BBOF1: variants seen among roughly 807,000 people sequenced by gnomAD.
BBOF1 encodes the protein basal body-orientation factor 1.
A neutral mutation model predicts 68.0 loss-of-function variants in BBOF1; 62 were observed. The ratio of observed to expected loss-of-function variants is 0.91; its 90% CI spans 0.74 to 1.13. BBOF1 has a LOEUF of 1.13. BBOF1 is among the 50% of genes most tolerant of loss of function. BBOF1 has a pLI of 0.00. For synonymous variants in BBOF1, 208 were observed against 198.8 expected (o/e 1.05, Z -0.39); for missense variants, 534 against 600.1 (o/e 0.89, Z 1.15).
At chr14:74,037,438 A>G (rs1002191415) in intron 4 of BBOF1, among the ~76,000 whole-genome samples, 3 of 149,338 alleles carry the variant, frequency 2.0e-5, no homozygotes, top group African/African-American at 7.4e-5. Flanking sequence ...GACTACAGGC[A>G]CGCACCATCA....
At chr14:74,069,418 G>A (rs2060518480), downstream of BBOF1, among the ~76,000 whole-genome samples, 1 of 151,698 alleles carries the variant, frequency 6.6e-6, no homozygotes, top group Non-Finnish European at 1.5e-5. Context: ...TTTCTGTACT[G>A]GATTCTCATT....
chr14:74,071,426 T>C, intron 9 of BBOF1: 1 of 1,614,128 alleles, frequency 6.2e-7, no homozygotes, highest in Non-Finnish European at 8.5e-7. Context: ...TAAAGGTCCA[T>C]GTCTTTGGTG....
At chr14:74,039,555 A>G (rs994528722) in intron 4 of BBOF1, among the ~76,000 whole-genome samples, 7 of 151,522 alleles carry the variant, frequency 4.6e-5, no homozygotes, top group Admixed American at 2.0e-4. Context: ...CAGCGTCCCA[A>G]GTAGCTGGGA....
intron 10 of BBOF1, 51 bp downstream of exon 10, chr14:74,057,031 T>C: frequency 1.3e-6 from 2 of 1,588,484 alleles, no homozygotes; most frequent in Non-Finnish European, 1.7e-6. Context: ...ACGATGGTTC[T>C]TGTGGGCATC....
intron 11 of BBOF1, among the ~76,000 whole-genome samples, chr14:74,063,190 CT>C (rs370230173): frequency 0.12 from 17,180 of 144,740 alleles, 1,225 homozygotes; most frequent in Admixed American, 0.19. Flanking sequence ...AATAATTCTT[CT>C]TTTTTTTTTT....
Position 74,065,232 on chromosome 14 carries a change from G to A in BBOF1, c.*533G>A. ...ATTTCCGAGCAGTGGCTCCATTGGT[G>A]GTGAAGATGGCAGTTCCATTTCCAT... On this transcript the variant is annotated 3_prime_UTR_variant, in exon 12 of 12. Coordinates refer to ENST00000394009, the MANE Select transcript of BBOF1 (RefSeq NM_025057.3). The A allele has an allele frequency of 3.1e-6, 5 of 1,614,084 alleles. No individual in the cohort carries two copies. Among genetic ancestry groups the A allele is most frequent in the South Asian group, 1.1e-5 (1 of 91,074 alleles).
intron 11 of BBOF1, among the ~76,000 whole-genome samples, chr14:74,063,460 C>A (rs2060391874): frequency 6.6e-6 from 1 of 152,002 alleles, no homozygotes; most frequent in Non-Finnish European, 1.5e-5. Flanking sequence ...GCTGGGATTA[C>A]AGGCGTAAGC....
chr14:74,038,367 G>A (rs1461807604), intron 4 of BBOF1, among the ~76,000 whole-genome samples: 1 of 152,334 alleles, frequency 6.6e-6, no homozygotes, highest in East Asian at 1.9e-4. Flanking sequence ...GAATTCAAAT[G>A]AATTAAGAAC....
intron 3 of BBOF1, among the ~76,000 whole-genome samples, chr14:74,032,489 C>CTTTTTTTTTTTTTTTTTTTTT (rs201835078): frequency 7.5e-6 from 1 of 133,242 alleles, no homozygotes. Context: ...ACGTTTCTCT[C>CTTTTTTTTTTTTTTTTTTTTT]TTTTTTTTTT....
intron 4 of BBOF1, among the ~76,000 whole-genome samples, chr14:74,037,205 C>A (rs549851756): frequency 6.7e-6 from 1 of 148,202 alleles, no homozygotes; most frequent in Non-Finnish European, 1.5e-5. Flanking sequence ...AATCTCCTGA[C>A]GTCATGATCT....
In BBOF1 at chr14:74,064,833, A is replaced by G. The variant is rs926779511; in HGVS notation, c.*134A>G. The G allele has an allele frequency of 7.4e-6, 12 of 1,613,970 alleles. No individual in the cohort carries two copies. Among genetic ancestry groups the G allele is most frequent in the African/African-American group, 4.0e-5 (3 of 74,922 alleles). On this transcript the variant is annotated 3_prime_UTR_variant, in exon 12 of 12. Transcript: ENST00000394009. ...AACTCAAAAGTTACCTGTTTGCCAT[A>G]GAAATTGGTGTCTCCCCTGAAGGAG...
chr14:74,071,330 C>T lies in BBOF1; in HGVS notation n.1380-6866C>T, dbSNP rs759603010. On this transcript the variant is annotated intron_variant and non_coding_transcript_variant, in intron 9 of 12. Transcript: ENST00000492026. ...AGGAAGGTATTTCCACACACCATGGCCATGGGAAACATCCAAAGGGGGATC... is the reference window on the plus strand; with the variant it reads ...AGGAAGGTATTTCCACACACCATGGTCATGGGAAACATCCAAAGGGGGATC... 20 of 1,614,094 alleles carry T rather than the reference C, an allele frequency of 1.2e-5. 2 individuals carry two copies. In the South Asian group the frequency reaches 2.2e-4, roughly 18 times the overall value.
intron 10 of BBOF1, 50 bp downstream of exon 10, chr14:74,057,030 C>T: frequency 6.3e-7 from 1 of 1,582,752 alleles, no homozygotes; most frequent in Non-Finnish European, 8.7e-7. Context: ...CACGATGGTT[C>T]TTGTGGGCAT....
chr14:74,076,501 A>G (rs2139807183), intron 9 of BBOF1, among the ~76,000 whole-genome samples: 1 of 152,116 alleles, frequency 6.6e-6, no homozygotes, highest in South Asian at 2.1e-4. Flanking sequence ...AGCTCAGATT[A>G]TAGGTGTCTG....
chr14:74,027,894 G>A (rs1679935492), intron 2 of BBOF1, among the ~76,000 whole-genome samples: 1 of 152,138 alleles, frequency 6.6e-6, no homozygotes, highest in Non-Finnish European at 1.5e-5. Flanking sequence ...TGCAACGCAT[G>A]ATCAAGGGTT....
At chr14:74,028,513 A>AACAG (rs1555370840) in intron 2 of BBOF1, among the ~76,000 whole-genome samples, 1 of 72,846 alleles carries the variant, frequency 1.4e-5, no homozygotes, top group Non-Finnish European at 2.8e-5. Context: ...CACACACACA[A>AACAG]ATAGAGGGAA....
intron 4 of BBOF1, among the ~76,000 whole-genome samples, chr14:74,039,291 C>T (rs563869695): frequency 2.0e-5 from 3 of 152,196 alleles, no homozygotes; most frequent in South Asian, 2.1e-4. Flanking sequence ...AATAGATGCA[C>T]GGAATTCCAT....
intron 2 of BBOF1, among the ~76,000 whole-genome samples, chr14:74,025,997 T>C (rs2059416187): frequency 6.6e-6 from 1 of 151,404 alleles, no homozygotes; most frequent in Admixed American, 6.6e-5. Flanking sequence ...AAGAATTAGC[T>C]AGGCATGGTG....
intron 9 of BBOF1, chr14:74,074,844 A>G: frequency 8.8e-7 from 1 of 1,138,390 alleles, no homozygotes; most frequent in Non-Finnish European, 1.3e-6. Context: ...GGAGGAAAAA[A>G]CTAGAAAGTT....
Sources: allele counts gnomAD v4.1 joint callset (sites outside exome capture counted in the v4.1 genomes callset), GRCh38; gene constraint gnomAD v4.1.1; transcripts MANE v1.5; gene names NCBI Gene and HGNC (gene_info 2026-07-23, HGNC 2026-07-21).